PTPRD: variants seen among roughly 807,000 people sequenced by gnomAD.
The protein encoded by PTPRD is receptor-type tyrosine-protein phosphatase delta.
Under a neutral mutation model 214.5 loss-of-function variants are expected in PTPRD, and 34 were observed. The observed-to-expected ratio is 0.16, with a 90% CI of 0.12 to 0.21. The LOEUF (loss-of-function observed/expected upper bound fraction) is 0.21. Among genes scored for constraint, PTPRD ranks in the 10% least tolerant of loss-of-function variants. PTPRD has a pLI of 1.00. For missense variants in PTPRD, 2,545 were observed against 2,398.7 expected, an observed-to-expected ratio of 1.06 and a Z score of -1.27; for synonymous variants, 1,128 against 845.7, an observed-to-expected ratio of 1.33 and a Z score of -5.79.
chr9:9,427,790 G>T (rs1276559225), intron 8 of PTPRD, among the ~76,000 whole-genome samples: 1 of 152,158 alleles, frequency 6.6e-6, no homozygotes. Context: ...TTTCAACCCA[G>T]AATTTCATAT....
chr9:8,857,014 T>C (rs2097929079), intron 11 of PTPRD, among the ~76,000 whole-genome samples: 1 of 152,220 alleles, frequency 6.6e-6, no homozygotes, highest in South Asian at 2.1e-4. Context: ...TTATAAAAGA[T>C]GCGTTCCCTT....
At chr9:10,156,074 ATGTTTGTG>A (rs1592642197) in intron 3 of PTPRD, among the ~76,000 whole-genome samples, 2 of 86,868 alleles carry the variant, frequency 2.3e-5, no homozygotes, top group Admixed American at 1.3e-4. Flanking sequence ...GCTCTTTTGA[ATGTTTGTG>A]TGTGTGTGTG....
At chr9:8,900,669 A>G (rs912261486) in intron 11 of PTPRD, among the ~76,000 whole-genome samples, 6 of 152,188 alleles carry the variant, frequency 3.9e-5, no homozygotes, top group Non-Finnish European at 8.8e-5. Flanking sequence ...TAGCAGTATG[A>G]GTGACATAAG....
At chr9:9,498,879 C>A (rs1300653952) in intron 8 of PTPRD, among the ~76,000 whole-genome samples, 1 of 152,096 alleles carries the variant, frequency 6.6e-6, no homozygotes, top group Non-Finnish European at 1.5e-5. Flanking sequence ...AAAAAATTCA[C>A]AATCACAATT....
chr9:10,542,792 C>T (rs1276087102), intron 2 of PTPRD, among the ~76,000 whole-genome samples: 2 of 152,248 alleles, frequency 1.3e-5, no homozygotes, highest in East Asian at 1.9e-4. Flanking sequence ...GATCTTGGCT[C>T]ACCACAACCT....
intron 7 of PTPRD, among the ~76,000 whole-genome samples, chr9:9,575,716 T>TAAAAAA (rs2088314878): frequency 1.3e-4 from 1 of 7,542 alleles, no homozygotes; most frequent in Non-Finnish European, 2.2e-4. Context: ...CAAGACTGTC[T>TAAAAAA]CAAAAAAAAA....
At chr9:9,664,863 T>C (rs1412206697) in intron 7 of PTPRD, among the ~76,000 whole-genome samples, 2 of 151,712 alleles carry the variant, frequency 1.3e-5, no homozygotes, top group Non-Finnish European at 3.0e-5. Context: ...TTTAGCTTCC[T>C]GAAACTAGAG....
chr9:9,175,622 CAAAAAAAAAA>C (rs55707715), intron 10 of PTPRD, among the ~76,000 whole-genome samples: 3 of 45,274 alleles, frequency 6.6e-5, no homozygotes, highest in African/African-American at 2.7e-4. Context: ...GACTCTGTCT[CAAAAAAAAAA>C]AAAAAAAAAA....
chr9:9,492,497 GT>G (rs2095961189), intron 8 of PTPRD, among the ~76,000 whole-genome samples: 1 of 151,882 alleles, frequency 6.6e-6, no homozygotes, highest in Non-Finnish European at 1.5e-5. Flanking sequence ...TGCCAAAATG[GT>G]ACAACATATG....
chr9:8,356,267 C>CT (rs2076977935), intron 39 of PTPRD, among the ~76,000 whole-genome samples: 1 of 151,940 alleles, frequency 6.6e-6, no homozygotes, highest in South Asian at 2.1e-4. Flanking sequence ...GTAATAAGAC[C>CT]TAAAAGTATT....
At chr9:9,009,552 T>C (rs1176736503) in intron 11 of PTPRD, among the ~76,000 whole-genome samples, 2 of 151,980 alleles carry the variant, frequency 1.3e-5, no homozygotes, top group Admixed American at 6.6e-5. Flanking sequence ...TATATGAAGA[T>C]AAGAAGCAAG....
intron 9 of PTPRD, among the ~76,000 whole-genome samples, chr9:9,320,657 A>G (rs187973539): frequency 3.9e-5 from 6 of 152,228 alleles, no homozygotes; most frequent in Admixed American, 1.3e-4. Context: ...CTAGTGACCA[A>G]TGAGTCATAA....
At chr9:8,892,523 ATG>A (rs1275674862) in intron 11 of PTPRD, among the ~76,000 whole-genome samples, 2 of 150,224 alleles carry the variant, frequency 1.3e-5, no homozygotes, top group East Asian at 1.9e-4. Flanking sequence ...ATATATATAT[ATG>A]TGTGTGTATA....
intron 2 of PTPRD, among the ~76,000 whole-genome samples, chr9:10,577,077 T>C (rs185473921): frequency 1.6e-3 from 233 of 149,824 alleles, no homozygotes; most frequent in Admixed American, 2.4e-3. Flanking sequence ...AGCCAATCCT[T>C]TTCCTATTTT....
chr9:10,254,728 T>C (rs1490060059), intron 3 of PTPRD, among the ~76,000 whole-genome samples: 7 of 152,184 alleles, frequency 4.6e-5, no homozygotes, highest in Non-Finnish European at 8.8e-5. Flanking sequence ...TCTAAACACA[T>C]ACCCTGACAT....
chr9:10,044,329 T>G (rs1479280040), intron 3 of PTPRD, among the ~76,000 whole-genome samples: 2 of 151,816 alleles, frequency 1.3e-5, no homozygotes, highest in Admixed American at 6.6e-5. Context: ...CTACTAAATT[T>G]TTCTTTATAT....
At chr9:9,533,790 T>G (rs1369926869) in intron 8 of PTPRD, among the ~76,000 whole-genome samples, 3 of 152,048 alleles carry the variant, frequency 2.0e-5, no homozygotes, top group Non-Finnish European at 4.4e-5. Flanking sequence ...GATGTATACG[T>G]GCATGTTTTT....
At chr9:10,220,663 C>T (rs2099567961) in intron 3 of PTPRD, among the ~76,000 whole-genome samples, 1 of 151,804 alleles carries the variant, frequency 6.6e-6, no homozygotes, top group African/African-American at 2.4e-5. Flanking sequence ...CCTAAAACTT[C>T]ATAGGAGCAA....
At chr9:9,413,340 T>G (rs1426226742) in intron 8 of PTPRD, among the ~76,000 whole-genome samples, 4 of 150,624 alleles carry the variant, frequency 2.7e-5, no homozygotes, top group African/African-American at 9.8e-5. Flanking sequence ...GGTCTCGATC[T>G]CCTGACCTCA....
Sources: allele counts gnomAD v4.1 joint callset (sites outside exome capture counted in the v4.1 genomes callset), GRCh38; gene constraint gnomAD v4.1.1; transcripts MANE v1.5; gene names NCBI Gene and HGNC (gene_info 2026-07-23, HGNC 2026-07-21).